The following C1orf141 variants were observed in gnomAD, a reference collection of about 807,000 sequenced individuals.
C1orf141 encodes the protein chromosome 1 open reading frame 141.
A neutral mutation model predicts 23.2 loss-of-function variants in C1orf141; 19 were observed. The observed-to-expected ratio is 0.82, with a 90% CI of 0.57 to 1.20. The LOEUF (loss-of-function observed/expected upper bound fraction) is 1.20, where lower values mean the gene tolerates loss of function less well. Among genes scored for constraint, C1orf141 ranks in the 50% most tolerant of loss-of-function variants. The pLI, the probability that C1orf141 is intolerant of heterozygous loss-of-function variation, is 0.00. For missense variants in C1orf141, 469 were observed against 455.1 expected (o/e 1.03, Z -0.28); for synonymous variants, 153 against 154.6 (o/e 0.99, Z 0.08).
At chr1:67,130,503 A>G (rs1357634648) in intron 2 of C1orf141, among the ~76,000 whole-genome samples, 1 of 152,206 alleles carries the variant, frequency 6.6e-6, no homozygotes, top group Admixed American at 6.5e-5. Context: ...ACATTTTAAG[A>G]GGCAAAATGT....
At chr1:67,121,853 G>A (rs1323873225) in intron 4 of C1orf141, 2 of 152,164 alleles carry the variant, frequency 1.3e-5, no homozygotes, top group African/African-American at 2.4e-5. Context: ...ACTCTCAGTT[G>A]AGGGAACAGG....
At chr1:67,110,173 A>G (rs1474630134) in intron 5 of C1orf141, among the ~76,000 whole-genome samples, 1 of 152,174 alleles carries the variant, frequency 6.6e-6, no homozygotes, top group Non-Finnish European at 1.5e-5. Context: ...AAATAAATAT[A>G]TACTTGACCT....
At chr1:67,110,025 A>G (rs1326392520) in intron 5 of C1orf141, among the ~76,000 whole-genome samples, 2 of 152,172 alleles carry the variant, frequency 1.3e-5, no homozygotes, top group Non-Finnish European at 2.9e-5. Flanking sequence ...AGACATTACT[A>G]TAATGTAAAT....
chr1:67,095,532 C>T, intron 6 of C1orf141, 111 bp from the exon 7 acceptor site: 1 of 607,816 alleles, frequency 1.6e-6, no homozygotes, highest in Non-Finnish European at 2.8e-6. Flanking sequence ...GCACCAACCT[C>T]TCTCCCACAG....
At chr1:67,128,093 A>T (rs1049667077) in intron 2 of C1orf141, among the ~76,000 whole-genome samples, 1 of 152,186 alleles carries the variant, frequency 6.6e-6, no homozygotes, top group South Asian at 2.1e-4. Flanking sequence ...TTAGTCACAC[A>T]TAAGTAGCAG....
intron 4 of C1orf141, among the ~76,000 whole-genome samples, chr1:67,115,749 A>G (rs988877343): frequency 1.3e-5 from 2 of 152,204 alleles, no homozygotes; most frequent in Non-Finnish European, 2.9e-5. Flanking sequence ...TTTCAGAAAA[A>G]TATGCTGGAA....
intron 1 of C1orf141, among the ~76,000 whole-genome samples, chr1:67,132,035 G>A (rs1165045222): frequency 1.3e-5 from 2 of 151,170 alleles, no homozygotes; most frequent in South Asian, 2.1e-4. Context: ...CGCCCACCTC[G>A]GCCTCCCAAA....
intron 5 of C1orf141, among the ~76,000 whole-genome samples, chr1:67,097,882 C>T (rs531008589): frequency 2.6e-5 from 4 of 152,136 alleles, no homozygotes; most frequent in South Asian, 2.1e-4. Context: ...TTCCCATTTG[C>T]AGGAATGGGA....
chr1:67,127,954 T>G (rs1168541926), intron 2 of C1orf141, among the ~76,000 whole-genome samples: 1 of 151,988 alleles, frequency 6.6e-6, no homozygotes, highest in Non-Finnish European at 1.5e-5. Context: ...ACTTTGGACA[T>G]ATCTGTTTTC....
At chr1:67,111,923 C>T (rs1231398263) in intron 5 of C1orf141, among the ~76,000 whole-genome samples, 2 of 152,038 alleles carry the variant, frequency 1.3e-5, no homozygotes, top group African/African-American at 4.8e-5. Context: ...AAAATAGAAT[C>T]ATATGTGTTA....
At chr1:67,126,313 C>G (rs1168766772) in intron 3 of C1orf141, among the ~76,000 whole-genome samples, 1 of 152,162 alleles carries the variant, frequency 6.6e-6, no homozygotes, top group Non-Finnish European at 1.5e-5. Context: ...CAATCTTCCT[C>G]TAGTCGTGAG....
rs1646510883 is a variant in C1orf141, at chr1:67,131,229, T to C, written c.-103-2A>G. 1 of 151,884 alleles carries C rather than the reference T, an allele frequency of 6.6e-6. No homozygotes were observed. The highest frequency in any genetic ancestry group is 2.1e-4 in the South Asian group (1 of 4,810). 9.4% of individuals were successfully genotyped at this position (151,884 alleles called of 1,614,324 possible). On this transcript the variant is annotated splice_acceptor_variant, in intron 1 of 7. Transcript: ENST00000684719. LOFTEE classifies it low-confidence loss of function (5UTR_SPLICE). ...CCAGGCTGGCCAACATGATGAAATC[T>C]ATTAAAAAAAGAAAAATACAAAAAA...
At chr1:67,124,849 T>C (rs1220558198) in intron 4 of C1orf141, among the ~76,000 whole-genome samples, 1 of 152,236 alleles carries the variant, frequency 6.6e-6, no homozygotes, top group African/African-American at 2.4e-5. Context: ...TAGTGCTTTG[T>C]ACTTAGGCAC....
chr1:67,119,449 TA>T, intron 4 of C1orf141, among the ~76,000 whole-genome samples: 1 of 152,112 alleles, frequency 6.6e-6, no homozygotes, highest in East Asian at 1.9e-4. Flanking sequence ...ATGTTTATAG[TA>T]AAATGCAAGA....
intron 5 of C1orf141, among the ~76,000 whole-genome samples, chr1:67,111,018 C>T (rs1178723971): frequency 1.3e-5 from 2 of 151,188 alleles, no homozygotes; most frequent in South Asian, 2.1e-4. Flanking sequence ...CTCTATAGTT[C>T]CCTATATAAA....
chr1:67,141,264 T>G (rs1274080865), intron 1 of C1orf141, among the ~76,000 whole-genome samples: 1 of 152,208 alleles, frequency 6.6e-6, no homozygotes, highest in Non-Finnish European at 1.5e-5. Flanking sequence ...GAAATATTTT[T>G]CTACTTTGTA....
chr1:67,117,789 A>G (rs556365286), intron 4 of C1orf141, among the ~76,000 whole-genome samples: 1 of 152,288 alleles, frequency 6.6e-6, no homozygotes, highest in South Asian at 2.1e-4. Context: ...TTTCAAATTC[A>G]TTTGCAGAGT....
intron 1 of C1orf141, among the ~76,000 whole-genome samples, chr1:67,131,925 C>G (rs574758487): frequency 2.9e-4 from 44 of 151,370 alleles, no homozygotes; most frequent in African/African-American, 9.2e-4. Context: ...GCTGGGATTA[C>G]AGGTGCCCGC....
At chr1:67,112,675 TG>T (rs1646099994) in intron 5 of C1orf141, among the ~76,000 whole-genome samples, 2 of 152,112 alleles carry the variant, frequency 1.3e-5, no homozygotes, top group Non-Finnish European at 2.9e-5. Context: ...CATTCCAGCC[TG>T]GGCAACAGAG....
Sources: gnomAD v4.1 joint callset for allele counts (sites outside exome capture counted in the v4.1 genomes callset) on GRCh38, gnomAD v4.1.1 for gene constraint, MANE v1.5 for transcripts, NCBI Gene and HGNC (gene_info 2026-07-23, HGNC 2026-07-21) for gene names.